The following TLR6 variants were observed in gnomAD, a reference collection of about 807,000 sequenced individuals.
TLR6 encodes the protein toll like receptor 6, also known as toll-like receptor 6.
Under a neutral mutation model 16.1 loss-of-function variants are expected in TLR6, and 9 were observed. The ratio of observed to expected loss-of-function variants is 0.56; its 90% CI spans 0.34 to 0.98. The LOEUF (loss-of-function observed/expected upper bound fraction) is 0.98. Among genes scored for constraint, TLR6 ranks in the 50% least tolerant of loss-of-function variants. TLR6 has a pLI of 0.02. For synonymous variants in TLR6, 340 were observed against 338.6 expected, an observed-to-expected ratio of 1.00 and a Z score of -0.04; for missense variants, 786 against 921.0, an observed-to-expected ratio of 0.85 and a Z score of 1.90.
chr4:38,830,155 G>A (rs915037963), intron 1 of TLR6, among the ~76,000 whole-genome samples: 6 of 152,222 alleles, frequency 3.9e-5, no homozygotes, highest in Non-Finnish European at 8.8e-5. Context: ...AAGCAGAGCT[G>A]TGAATAGACT....
chr4:38,825,419 A>G (rs1727498420), exon 2 of TLR6: 1 of 152,160 alleles, frequency 6.6e-6, no homozygotes, highest in Non-Finnish European at 1.5e-5. Flanking sequence ...TATATTCTAG[A>G]TGTCCCTATG....
chr4:38,863,568 T>C, the TLR6 span, among the ~76,000 whole-genome samples: 1 of 152,232 alleles, frequency 6.6e-6, no homozygotes, highest in Non-Finnish European at 1.5e-5. Context: ...CAATAAATGA[T>C]ATTTCTACTC....
intron 1 of TLR6, among the ~76,000 whole-genome samples, chr4:38,840,478 A>G (rs1260398300): frequency 6.6e-6 from 1 of 151,978 alleles, no homozygotes; most frequent in Middle Eastern, 3.2e-3. Context: ...CTAAAAAAAT[A>G]CAAGAATTAG....
chr4:38,852,666 C>G (rs201225220), intron 1 of TLR6, among the ~76,000 whole-genome samples: 19,351 of 147,122 alleles, frequency 0.13, 1,815 homozygotes, highest in Middle Eastern at 0.36. Flanking sequence ...AAATGCAAAT[C>G]AAAACCACAA....
At chr4:38,843,472 G>T (rs948074715) in intron 1 of TLR6, among the ~76,000 whole-genome samples, 5 of 152,174 alleles carry the variant, frequency 3.3e-5, no homozygotes, top group African/African-American at 1.2e-4. Context: ...GTCAAGAGAT[G>T]AATCCTTTAT....
At chr4:38,848,634 A>T (rs1005677075) in intron 1 of TLR6, among the ~76,000 whole-genome samples, 1 of 152,248 alleles carries the variant, frequency 6.6e-6, no homozygotes, top group Non-Finnish European at 1.5e-5. Flanking sequence ...TGACGAATGC[A>T]CAAGTTTCAG....
chr4:38,839,475 GC>G (rs1712140161), intron 1 of TLR6, among the ~76,000 whole-genome samples: 1 of 152,040 alleles, frequency 6.6e-6, no homozygotes, highest in Non-Finnish European at 1.5e-5. Flanking sequence ...TATTAGACCA[GC>G]CGGTTTGATA....
At chr4:38,846,343 T>C (rs1055894470) in intron 1 of TLR6, among the ~76,000 whole-genome samples, 8 of 152,146 alleles carry the variant, frequency 5.3e-5, no homozygotes, top group African/African-American at 1.9e-4. Context: ...ATAATAGATA[T>C]CTTCAGAAAG....
rs373791701 is a variant in TLR6, at chr4:38,848,296, C to G, written c.-65+8465G>C. ...AAACCCATCTGTACGTCACCATCAT[C>G]AAAGACCAAAGGTGGATAAAACCAC... On this transcript the variant is annotated intron_variant, in intron 1 of 1. Coordinates refer to ENST00000436693, the Ensembl canonical transcript of TLR6. Among the ~76,000 whole-genome samples the G allele has an allele frequency of 6.2e-4, 94 of 152,312 alleles. No individual in the cohort carries two copies. In the South Asian group the frequency reaches 0.018, roughly 30 times the overall value.
chr4:38,835,933 C>T (rs1354693923), intron 1 of TLR6, among the ~76,000 whole-genome samples: 1 of 151,826 alleles, frequency 6.6e-6, no homozygotes, highest in Non-Finnish European at 1.5e-5. Context: ...AATTAAAATG[C>T]AAATACAGCA....
upstream of TLR6, among the ~76,000 whole-genome samples, chr4:38,858,610 C>T (rs1021285444): frequency 3.3e-5 from 5 of 151,844 alleles, no homozygotes; most frequent in Non-Finnish European, 2.9e-5. Flanking sequence ...CTCCCAGCTA[C>T]TCGGGAGGCT....
intron 1 of TLR6, among the ~76,000 whole-genome samples, chr4:38,853,380 A>T (rs1463206760): frequency 7.0e-6 from 1 of 141,880 alleles, no homozygotes; most frequent in Non-Finnish European, 1.6e-5. Context: ...AAAGTATAAT[A>T]ATAAAAAAAA....
In TLR6 at chr4:38,830,168, C is replaced by T. The variant is rs55925030; in HGVS notation, c.-64-631G>A. Among the ~76,000 whole-genome samples, 416 of 152,310 alleles carry T rather than the reference C, an allele frequency of 2.7e-3. 7 individuals are homozygous for T. In the East Asian group the frequency reaches 0.05, roughly 18 times the overall value. ...TAAAGCAGAGCTGTGAATAGACTGG[C>T]TAAGCATTGAGAAAGTGATCCAACA... On this transcript the variant is annotated intron_variant, in intron 1 of 1. Coordinates refer to ENST00000436693, the Ensembl canonical transcript of TLR6.
At chr4:38,831,783 T>C (rs927379859) in intron 1 of TLR6, among the ~76,000 whole-genome samples, 2 of 152,228 alleles carry the variant, frequency 1.3e-5, no homozygotes, top group Non-Finnish European at 2.9e-5. Context: ...TATTTCATCA[T>C]GGTTTTGCAG....
At chr4:38,867,734 C>T in the TLR6 span, 5 of 151,046 alleles carry the variant, frequency 3.3e-5, no homozygotes, top group Non-Finnish European at 7.4e-5. Context: ...GCGGGGCCCC[C>T]TCTCCAGCCG....
intron 1 of TLR6, among the ~76,000 whole-genome samples, chr4:38,838,965 G>C (rs1209321499): frequency 2.3e-5 from 3 of 127,696 alleles, no homozygotes; most frequent in Non-Finnish European, 4.7e-5. Context: ...AGGAAGGAAG[G>C]GGAGGAAGGA....
chr4:38,828,596 C>A (rs1727669944), exon 2 of TLR6: 1 of 1,613,750 alleles, frequency 6.2e-7, no homozygotes, highest in Admixed American at 1.7e-5. Context: ...ATCTTCTTCA[C>A]GAATGCTTTC....
chr4:38,828,780 C>T, exon 2 of TLR6: 1 of 1,613,694 alleles, frequency 6.2e-7, no homozygotes, highest in Non-Finnish European at 8.5e-7. Flanking sequence ...CAGTTGTCAT[C>T]ATTCAATTTA....
intron 1 of TLR6, among the ~76,000 whole-genome samples, chr4:38,848,605 C>T (rs1712637112): frequency 6.6e-6 from 1 of 152,180 alleles, no homozygotes; most frequent in African/African-American, 2.4e-5. Context: ...GAGCTGAAAA[C>T]CATGGCACTA....
Sources: allele counts gnomAD v4.1 joint callset (sites outside exome capture counted in the v4.1 genomes callset), GRCh38; gene constraint gnomAD v4.1.1; transcripts MANE v1.5; gene names NCBI Gene and HGNC (gene_info 2026-07-23, HGNC 2026-07-21).